Variants in KCP observed in about 807,000 individuals in gnomAD.
KCP encodes kielin/chordin-like protein.
Under a neutral mutation model 212.7 loss-of-function variants are expected in KCP, and 194 were observed. The ratio of observed to expected loss-of-function variants is 0.91; its 90% confidence interval spans 0.81 to 1.03. The LOEUF (loss-of-function observed/expected upper bound fraction) is 1.03, where lower values mean the gene tolerates loss of function less well. Ranked by LOEUF, KCP falls within the 50% of genes least tolerant of loss-of-function variation. The pLI, the probability that KCP is intolerant of heterozygous loss-of-function variation, is 0.00. For synonymous variants in KCP, 833 were observed against 865.3 expected, an observed-to-expected ratio of 0.96 and a Z score of 0.65; for missense variants, 2,080 against 2,162.5, an observed-to-expected ratio of 0.96 and a Z score of 0.76.
chr7:128,891,059 C>G lies in KCP; in HGVS notation c.2010G>C (p.Ala670=). Residue 670 remains alanine, a synonymous_variant, in exon 20 of 40, where the codon GCG becomes GCC. Coordinates refer to ENST00000610776, the MANE Select transcript of KCP (RefSeq NM_001366122.1). ...PAPAGCPRPG[A]AHARHQEYFS... ...AGTACTCCTGGTGGCGGGCGTGGGC[C>G]GCGCCGGGCCGTGGGCAGCCGGCGG... 1 of 1,394,320 alleles carries G rather than the reference C, an allele frequency of 7.2e-7. No individual in the cohort carries two copies. The highest frequency in any genetic ancestry group is 1.5e-5 in the African/African-American group (1 of 64,752). 86.4% of individuals were successfully genotyped at this position (1,394,320 alleles called of 1,614,324 possible).
In KCP at chr7:128,877,533, G is replaced by A; in HGVS notation, c.4569C>T (p.His1523=). 6.4e-7 allele frequency: 1 copy of A among 1,551,440 alleles called. No homozygotes were observed. The highest frequency in any genetic ancestry group is 2.0e-5 in the Admixed American group (1 of 51,010). ...TAGGTGTCACTCCTGCCTGGCGACAGTGACTGGCGTAGGCTTCCAGGGCAT... is the reference window on the plus strand; with the variant it reads ...TAGGTGTCACTCCTGCCTGGCGACAATGACTGGCGTAGGCTTCCAGGGCAT... ...LCDALEAYAS[H]CRQAGVTPTW... The change falls in exon 39 of 40, where the codon CAC becomes CAT. Residue 1523 remains histidine, a synonymous_variant. Transcript: ENST00000610776.
At chr7:128,894,089 G>C (rs1013105569) in intron 9 of KCP, 34 bp from the exon 10 acceptor site, 16 of 1,539,122 alleles carry the variant, frequency 1.0e-5, no homozygotes, top group Admixed American at 2.0e-5. Flanking sequence ...TGTTCCTCAG[G>C]GGCCCCTCCC....
chr7:128,883,952 G>A (rs1053023070), intron 29 of KCP, 50 bp downstream of exon 29: 2 of 1,516,284 alleles, frequency 1.3e-6, no homozygotes, highest in Admixed American at 2.2e-5. Flanking sequence ...GCGGCAGGGG[G>A]TGGCAGCCCT....
At position 128,887,206 on chromosome 7, in the gene KCP, C is replaced by T. The variant is rs185722297; in HGVS notation, c.2598+9G>A. The T allele has an allele frequency of 1.9e-4, 298 of 1,551,098 alleles. 1 individual carries two copies. In the African/African-American group the frequency reaches 3.9e-3, roughly 20 times the overall value. On this transcript the variant is annotated intron_variant, in intron 23 of 39. Coordinates refer to ENST00000610776, the MANE Select transcript of KCP (RefSeq NM_001366122.1). ...AAAGGTTACCAAGGTCCTAAAGGGG[C>T]TGCCTCACCTGGCAGGTGCAGAGGG...
chr7:128,891,912 G>A, intron 16 of KCP, 93 bp from the exon 17 acceptor site: 6 of 929,800 alleles, frequency 6.5e-6, no homozygotes, highest in Non-Finnish European at 9.2e-6. Flanking sequence ...TGCCCACTTG[G>A]AAGCTGACTC....
intron 8 of KCP, among the ~76,000 whole-genome samples, chr7:128,897,193 G>T (rs1490958216): frequency 6.6e-6 from 1 of 152,170 alleles, no homozygotes; most frequent in African/African-American, 2.4e-5. Context: ...ATAAAGAAAG[G>T]TACCTTAGAA....
chr7:128,902,627 G>C lies in KCP; in HGVS notation c.831+150C>G, dbSNP rs1329470110. 6.9e-6 allele frequency: 5 copies of C among 720,422 alleles called. No individual in the cohort carries two copies. In the South Asian group the frequency reaches 8.7e-5, roughly 13 times the overall value. The allele number at this position is 720,422 out of a possible 1,614,324, so 44.6% of individuals were successfully genotyped here. A position where few individuals can be genotyped will look rare whatever the true frequency, so the allele number is the denominator to read the frequency against. Reference sequence around the variant, plus strand: ...CGCAGATGAGCTCTGCCCAGCCCCCGCCTGCACAGCCCCCAGCAGACAGCG... The same window carrying C: ...CGCAGATGAGCTCTGCCCAGCCCCCCCCTGCACAGCCCCCAGCAGACAGCG... On this transcript the variant is annotated intron_variant, in intron 8 of 39. Coordinates refer to ENST00000610776, the MANE Select transcript of KCP (RefSeq NM_001366122.1).
chr7:128,890,255 T>C, intron 21 of KCP, 88 bp downstream of exon 21: 1 of 1,545,980 alleles, frequency 6.5e-7, no homozygotes, highest in African/African-American at 1.4e-5. Flanking sequence ...ATATTTTAGA[T>C]CCACCCTAGG....
chr7:128,887,436 C>T, intron 22 of KCP, 136 bp from the exon 23 acceptor site: 1 of 701,908 alleles, frequency 1.4e-6, no homozygotes, highest in Non-Finnish European at 2.5e-6. Context: ...CACACATACC[C>T]ATATACACAG....
intron 2 of KCP, among the ~76,000 whole-genome samples, 175 bp downstream of exon 2, chr7:128,908,251 G>GAAAAAGAAAGAAAGAAAGAAAGAAAGA (rs10565205): frequency 2.0e-5 from 2 of 101,212 alleles, no homozygotes; most frequent in African/African-American, 7.8e-5. Context: ...AAGAAAGAAA[G>GAAAAAGAAAGAAAGAAAGAAAGAAAGA]AAGAAAGAAA....
intron 1 of KCP, among the ~76,000 whole-genome samples, chr7:128,910,150 A>G (rs1288067435): frequency 6.6e-6 from 1 of 152,120 alleles, no homozygotes; most frequent in Non-Finnish European, 1.5e-5. Context: ...GAGTGGCACA[A>G]ACTTGGCTGG....
chr7:128,908,868 A>G (rs916517269), intron 1 of KCP, among the ~76,000 whole-genome samples: 1 of 152,162 alleles, frequency 6.6e-6, no homozygotes, highest in Admixed American at 6.5e-5. Flanking sequence ...AAAGGCCACA[A>G]CTTTTGGAGA....
chr7:128,896,708 C>T (rs796873335), intron 8 of KCP, among the ~76,000 whole-genome samples: 129 of 151,918 alleles, frequency 8.5e-4, no homozygotes, highest in African/African-American at 2.9e-3. Context: ...CTGGCCAACA[C>T]GGTGAAACTC....
intron 22 of KCP, among the ~76,000 whole-genome samples, chr7:128,888,326 C>CT: frequency 1.4e-5 from 1 of 73,066 alleles, no homozygotes; most frequent in African/African-American, 6.1e-5. Context: ...CCACACAGAG[C>CT]AACACACACA....
At position 128,881,733 on chromosome 7, in the gene KCP, T is replaced by C. The variant is rs980703889; in HGVS notation, c.3325-8A>G. ...GCAGAGCCATGTCAGGTCCTGCCCA[T>C]GTGAACACAAGAGGTAGAGAATGGC... is the stretch of plus-strand genomic sequence containing the variant. On this transcript the variant is annotated splice_region_variant and splice_polypyrimidine_tract_variant and intron_variant, in intron 30 of 39. Transcript: ENST00000610776. 5.9e-6 allele frequency: 9 copies of C among 1,536,156 alleles called. No homozygotes were observed. Among genetic ancestry groups the C allele is most frequent in the East Asian group, 2.4e-5 (1 of 40,868 alleles).
At chr7:128,878,361 G>T (rs1262068862) in intron 38 of KCP, among the ~76,000 whole-genome samples, 197 bp downstream of exon 38, 1 of 152,040 alleles carries the variant, frequency 6.6e-6, no homozygotes, top group East Asian at 1.9e-4. Flanking sequence ...CCCGGCCAAT[G>T]AGGCCTCTTT....
intron 27 of KCP, 113 bp downstream of exon 27, chr7:128,884,984 C>T (rs1405788538): frequency 1.3e-6 from 2 of 1,497,914 alleles, no homozygotes; most frequent in South Asian, 1.2e-5. Flanking sequence ...TGCACAAGGA[C>T]GGAGGCCACT....
At chr7:128,909,515 A>T (rs7792282) in intron 1 of KCP, among the ~76,000 whole-genome samples, 1 of 151,980 alleles carries the variant, frequency 6.6e-6, no homozygotes, top group African/African-American at 2.4e-5. Context: ...GCCATCACAC[A>T]TACCCAGTTA....
intron 21 of KCP, chr7:128,890,110 A>AGATC (rs1403881795): frequency 1.6e-6 from 1 of 638,762 alleles, no homozygotes; most frequent in African/African-American, 1.8e-5. Context: ...TGTAGAGACA[A>AGATC]GATCTCTCTA....
Sources: allele counts gnomAD v4.1 joint callset (sites outside exome capture counted in the v4.1 genomes callset), GRCh38; gene constraint gnomAD v4.1.1; transcripts MANE v1.5; gene names NCBI Gene and HGNC (gene_info 2026-07-23, HGNC 2026-07-21).